TTC3: variants seen among roughly 807,000 people sequenced by gnomAD.
TTC3 encodes the protein E3 ubiquitin-protein ligase TTC3.
A neutral mutation model predicts 249.6 loss-of-function variants in TTC3; 180 were observed. The observed-to-expected ratio is 0.72, with a 90% CI of 0.64 to 0.82. TTC3 has a LOEUF of 0.82. Ranked by LOEUF, TTC3 falls within the 40% of genes least tolerant of loss-of-function variation. The probability of loss-of-function intolerance (pLI) is 0.00; values close to 1 mark genes in which losing one functional copy is unlikely to be tolerated. For synonymous variants in TTC3, 717 were observed against 805.0 expected (o/e 0.89, Z 1.85); for missense variants, 2,061 against 2,398.4 (o/e 0.86, Z 2.94).
chr21:37,078,530 GT>G (rs1470061919), intron 1 of TTC3, among the ~76,000 whole-genome samples: 4 of 151,854 alleles, frequency 2.6e-5, no homozygotes, highest in African/African-American at 9.7e-5. Flanking sequence ...TGATGTTATT[GT>G]TTTTGTTGCT....
At chr21:37,199,046 C>T (rs2085227326) in intron 44 of TTC3, among the ~76,000 whole-genome samples, 1 of 152,188 alleles carries the variant, frequency 6.6e-6, no homozygotes, top group African/African-American at 2.4e-5. Context: ...TCTTCCCTGA[C>T]CCTCGAGTCA....
chr21:37,184,260 A>T (rs1321127765), intron 36 of TTC3, among the ~76,000 whole-genome samples: 2 of 152,232 alleles, frequency 1.3e-5, no homozygotes, highest in African/African-American at 2.4e-5. Context: ...TTTTTGTTCA[A>T]TTCAGACATA....
At chr21:37,093,036 C>A (rs949180223) in intron 7 of TTC3, among the ~76,000 whole-genome samples, 1 of 152,058 alleles carries the variant, frequency 6.6e-6, no homozygotes, top group African/African-American at 2.4e-5. Context: ...AATCCAAAAT[C>A]TGAAATACCC....
intron 14 of TTC3, 41 bp downstream of exon 14, chr21:37,124,783 T>G (rs2076924944): frequency 6.3e-7 from 1 of 1,599,302 alleles, no homozygotes; most frequent in Non-Finnish European, 8.5e-7. Flanking sequence ...CAAGGATAGA[T>G]AGTCTCATAT....
chr21:37,087,528 A>C (rs2072662957), intron 2 of TTC3, 127 bp downstream of exon 2: 2 of 1,212,956 alleles, frequency 1.6e-6, no homozygotes, highest in South Asian at 1.5e-5. Flanking sequence ...TGCTGTTGAA[A>C]AGTTGATTTG....
At chr21:37,180,735 A>G (rs545148747) in intron 35 of TTC3, among the ~76,000 whole-genome samples, 1 of 145,378 alleles carries the variant, frequency 6.9e-6, no homozygotes, top group South Asian at 2.3e-4. Context: ...CAATGTGCAC[A>G]TGTACCCTAA....
At chr21:37,088,080 CTTCA>C (rs2072747398) in intron 3 of TTC3, 112 bp from the exon 4 acceptor site, 3 of 1,023,548 alleles carry the variant, frequency 2.9e-6, no homozygotes, top group Admixed American at 2.9e-5. Context: ...GGCTAGAATA[CTTCA>C]TTCATTCATT....
chr21:37,177,270 G>A (rs12626562), intron 35 of TTC3, among the ~76,000 whole-genome samples: 1 of 152,084 alleles, frequency 6.6e-6, no homozygotes, highest in East Asian at 1.9e-4. Context: ...ATGGCCACAC[G>A]GCACCTTTCA....
chr21:37,163,916 T>A, intron 31 of TTC3, 135 bp from the exon 32 acceptor site: 1 of 899,632 alleles, frequency 1.1e-6, no homozygotes, highest in Non-Finnish European at 1.6e-6. Flanking sequence ...TCCCTGGTGC[T>A]ATTTTTTTGC....
chr21:37,109,135 C>T (rs143041486), intron 11 of TTC3, among the ~76,000 whole-genome samples: 5,162 of 152,216 alleles, frequency 0.034, 126 homozygotes, highest in African/African-American at 0.053. Flanking sequence ...CCAGCGTGAG[C>T]GACACAGAAG....
At chr21:37,087,927 G>T in intron 3 of TTC3, 52 bp downstream of exon 3, 3 of 1,374,944 alleles carry the variant, frequency 2.2e-6, no homozygotes, top group Non-Finnish European at 3.1e-6. Context: ...TACAAAGGGA[G>T]GTCCATCCAT....
intron 40 of TTC3, 119 bp downstream of exon 40, chr21:37,191,543 G>C (rs575829628): frequency 1.7e-6 from 1 of 594,824 alleles, no homozygotes; most frequent in South Asian, 3.8e-5. Flanking sequence ...AATTTTTTTT[G>C]TTGAAAGTAT....
exon 33 of TTC3, chr21:37,166,309 A>G: frequency 6.2e-7 from 1 of 1,614,242 alleles, no homozygotes; most frequent in Non-Finnish European, 8.5e-7. Flanking sequence ...CAAGATCAGT[A>G]CCAGTGGTGC....
chr21:37,084,432 ATTAATG>A (rs1304008042), intron 1 of TTC3: 2 of 152,256 alleles, frequency 1.3e-5, no homozygotes, highest in Non-Finnish European at 2.9e-5. Flanking sequence ...CTCATCTAAC[ATTAATG>A]TTAATGATAG....
chr21:37,123,080 A>C, intron 13 of TTC3, 52 bp downstream of exon 13: 1 of 1,580,094 alleles, frequency 6.3e-7, no homozygotes, highest in Non-Finnish European at 8.7e-7. Flanking sequence ...GCTTTGCTGC[A>C]TGAATTTAAG....
rs992989556 is a variant in TTC3 at position 37,096,488 on chromosome 21, A to T, written c.783-93A>T. The T allele has an allele frequency of 1.2e-4, 122 of 1,004,406 alleles. 1 individual carries two copies. The highest frequency in any genetic ancestry group is 4.0e-4 in the Admixed American group (17 of 42,116). The allele number at this position is 1,004,406 out of a possible 1,614,324, so 62.2% of individuals were successfully genotyped here. ...CTTTGCCACACATATGTAAAGTTTA[A>T]AAAAAGTTTTCTCATGCCTTATGTT... On this transcript the variant is annotated intron_variant, in intron 9 of 45. Coordinates refer to ENST00000355666, the Ensembl canonical transcript of TTC3.
At chr21:37,163,755 G>A (rs373110236) in intron 31 of TTC3, among the ~76,000 whole-genome samples, 2 of 152,286 alleles carry the variant, frequency 1.3e-5, no homozygotes, top group East Asian at 1.9e-4. Flanking sequence ...CATTTAACAA[G>A]TTATAATTAA....
rs780887113 is a variant in TTC3, at chr21:37,153,242, A to C, written c.2705A>C (p.Lys902Thr). 3.1e-6 allele frequency: 5 copies of C among 1,613,532 alleles called. No individual in the cohort carries two copies. The South Asian group carries it at 5.5e-5, about 18-fold the overall frequency. Residue 902 changes from lysine (K) to threonine (T), a missense_variant, in exon 27 of 46, where the codon AAA becomes ACA. Lys to Thr is a moderately conservative substitution (Grantham distance 78). Coordinates refer to ENST00000355666, the Ensembl canonical transcript of TTC3. ...AGTGAGCTTAAAGAAGTGGAGCCCA[A>C]ATTAGCCGCCTGGATCCAAAAACTT...
chr21:37,169,517 C>T (rs1283780793), intron 34 of TTC3, among the ~76,000 whole-genome samples: 1 of 151,634 alleles, frequency 6.6e-6, no homozygotes, highest in Non-Finnish European at 1.5e-5. Context: ...GTACTCCAGC[C>T]TGGGCGACAG....
Sources: gnomAD v4.1 joint callset for allele counts (sites outside exome capture counted in the v4.1 genomes callset) on GRCh38, gnomAD v4.1.1 for gene constraint, MANE v1.5 for transcripts, NCBI Gene and HGNC (gene_info 2026-07-23, HGNC 2026-07-21) for gene names.